Variants in RBPMS observed in about 807,000 individuals in gnomAD.
The protein encoded by RBPMS is RNA-binding protein with multiple splicing.
In RBPMS, 7 loss-of-function variants were observed where a neutral mutation model predicts 26.8. That is an observed-to-expected ratio of 0.26 (90% CI 0.15 to 0.49). The LOEUF (loss-of-function observed/expected upper bound fraction) is 0.49. Among genes scored for constraint, RBPMS ranks in the 20% least tolerant of loss-of-function variants. RBPMS has a pLI of 0.98. For synonymous variants in RBPMS, 96 were observed against 93.3 expected, an observed-to-expected ratio of 1.03 and a Z score of -0.17; for missense variants, 186 against 250.0, an observed-to-expected ratio of 0.74 and a Z score of 1.73.
intron 4 of RBPMS, among the ~76,000 whole-genome samples, chr8:30,486,844 CAT>C (rs1396675155): frequency 6.6e-6 from 1 of 152,182 alleles, no homozygotes; most frequent in African/African-American, 2.4e-5. Context: ...CAGATAATTA[CAT>C]GACTGTGTGA....
intron 1 of RBPMS, among the ~76,000 whole-genome samples, chr8:30,426,186 C>A (rs1198176576): frequency 6.6e-6 from 1 of 152,212 alleles, no homozygotes; most frequent in African/African-American, 2.4e-5. Context: ...CATGTCCCAC[C>A]AGGGGCCAAA....
intron 1 of RBPMS, among the ~76,000 whole-genome samples, chr8:30,434,103 C>G (rs1056525913): frequency 6.9e-6 from 1 of 144,270 alleles, no homozygotes; most frequent in African/African-American, 2.9e-5. Context: ...GGTAACAGAG[C>G]GAGACTCTGT....
intron 3 of RBPMS, 36 bp from the exon 4 acceptor site, chr8:30,479,279 A>AT (rs755777481): frequency 3.1e-5 from 47 of 1,535,186 alleles, no homozygotes; most frequent in Non-Finnish European, 3.6e-5. Context: ...ACATCATCTG[A>AT]TTTTTTTTCT....
chr8:30,417,436 C>A (rs1810224489), intron 1 of RBPMS, among the ~76,000 whole-genome samples: 1 of 151,726 alleles, frequency 6.6e-6, no homozygotes, highest in Non-Finnish European at 1.5e-5. Flanking sequence ...ATAGAAACTT[C>A]TAGAAAGTTG....
chr8:30,492,079 A>G (rs991019137), intron 4 of RBPMS, among the ~76,000 whole-genome samples: 1 of 152,140 alleles, frequency 6.6e-6, no homozygotes. Context: ...TTTATTAGAG[A>G]TAGGGTTTCA....
intron 6 of RBPMS, chr8:30,552,456 C>T (rs1420206516): frequency 6.6e-6 from 1 of 152,166 alleles, no homozygotes; most frequent in East Asian, 1.9e-4. Context: ...GAAGGCCAGA[C>T]CCAGCGACAG....
intron 1 of RBPMS, among the ~76,000 whole-genome samples, chr8:30,422,596 G>A (rs1199197083): frequency 6.6e-6 from 1 of 152,066 alleles, no homozygotes; most frequent in African/African-American, 2.4e-5. Context: ...AGAAATCTGC[G>A]CCTCATTTAG....
chr8:30,484,929 T>A (rs1465849440), intron 4 of RBPMS, among the ~76,000 whole-genome samples: 2 of 152,228 alleles, frequency 1.3e-5, no homozygotes, highest in Non-Finnish European at 2.9e-5. Context: ...TTAGATATAA[T>A]TAATTCATTA....
At chr8:30,474,571 G>C (rs1203368005) in intron 1 of RBPMS, among the ~76,000 whole-genome samples, 1 of 152,146 alleles carries the variant, frequency 6.6e-6, no homozygotes, top group African/African-American at 2.4e-5. Flanking sequence ...TTACACAGAA[G>C]GCTGCATCTC....
At chr8:30,408,739 G>A (rs1038071911) in intron 1 of RBPMS, among the ~76,000 whole-genome samples, 6 of 152,142 alleles carry the variant, frequency 3.9e-5, no homozygotes, top group African/African-American at 1.2e-4. Flanking sequence ...GTTAAAAAGT[G>A]TATAATTGAA....
At chr8:30,437,143 G>A (rs1025581422) in intron 1 of RBPMS, among the ~76,000 whole-genome samples, 1 of 151,460 alleles carries the variant, frequency 6.6e-6, no homozygotes, top group African/African-American at 2.4e-5. Flanking sequence ...GGATGGTCTT[G>A]ATCTCCTGAC....
chr8:30,388,461 C>T (rs1807373922), intron 1 of RBPMS, among the ~76,000 whole-genome samples: 1 of 128,820 alleles, frequency 7.8e-6, no homozygotes, highest in Non-Finnish European at 1.7e-5. Context: ...TATAAGCTAA[C>T]TTATAACTTA....
At chr8:30,444,149 G>A (rs539747176) in intron 1 of RBPMS, among the ~76,000 whole-genome samples, 1 of 152,034 alleles carries the variant, frequency 6.6e-6, no homozygotes, top group Non-Finnish European at 1.5e-5. Context: ...TCCGGCCTTG[G>A]CCTCCCAAAT....
In RBPMS at chr8:30,418,163, C is replaced by T. The variant is rs562866924; in HGVS notation, c.66+33005C>T. On this transcript the variant is annotated intron_variant, in intron 1 of 8. Transcript: ENST00000397323. ...GCGTTTAATTTTGAGTAGATAAGGCCGAATTGCTCTCTACAATTACATCAA... is the reference window on the plus strand; with the variant it reads ...GCGTTTAATTTTGAGTAGATAAGGCTGAATTGCTCTCTACAATTACATCAA... Among the ~76,000 whole-genome samples, 21 of 152,248 alleles carry T rather than the reference C, an allele frequency of 1.4e-4. 1 individual carries two copies. Among genetic ancestry groups the T allele is most frequent in the African/African-American group, 3.6e-4 (15 of 41,538 alleles).
At chr8:30,512,788 A>G (rs1585717710) in intron 5 of RBPMS, among the ~76,000 whole-genome samples, 4 of 152,212 alleles carry the variant, frequency 2.6e-5, no homozygotes, top group Non-Finnish European at 1.5e-5. Flanking sequence ...ACACTTTTCT[A>G]TCCAGGTAGA....
chr8:30,437,857 A>G (rs1812642715), intron 1 of RBPMS, among the ~76,000 whole-genome samples: 1 of 149,048 alleles, frequency 6.7e-6, no homozygotes, highest in African/African-American at 2.5e-5. Context: ...TACTCAGGAG[A>G]CTGAGACAGG....
chr8:30,419,753 A>G (rs1810535720), intron 1 of RBPMS, among the ~76,000 whole-genome samples: 1 of 152,194 alleles, frequency 6.6e-6, no homozygotes, highest in Admixed American at 6.5e-5. Flanking sequence ...ATTATTTTTA[A>G]AATATGGAAA....
chr8:30,565,666 C>A (rs529380991), intron 7 of RBPMS: 3 of 152,416 alleles, frequency 2.0e-5, no homozygotes, highest in East Asian at 1.9e-4. Flanking sequence ...GATATCTTCA[C>A]AAATGTGCAT....
chr8:30,458,294 C>CA (rs1166424423), intron 1 of RBPMS, among the ~76,000 whole-genome samples: 1 of 152,006 alleles, frequency 6.6e-6, no homozygotes, highest in African/African-American at 2.4e-5. Context: ...ATTTGTTTAA[C>CA]AAAAAAACCT....
Sources: allele counts gnomAD v4.1 joint callset (sites outside exome capture counted in the v4.1 genomes callset), GRCh38; gene constraint gnomAD v4.1.1; transcripts MANE v1.5; gene names NCBI Gene and HGNC (gene_info 2026-07-23, HGNC 2026-07-21).